Variants in SLC49A4 observed in about 807,000 individuals in gnomAD.
SLC49A4 encodes solute carrier family 49 member 4, also known as disrupted in renal cancer protein 2.
Under a neutral mutation model 50.6 loss-of-function variants are expected in SLC49A4, and 36 were observed. That is an observed-to-expected ratio of 0.71 (90% confidence interval 0.55 to 0.94). The LOEUF is 0.94. SLC49A4 is among the 40% of genes least tolerant of loss of function. The pLI is 0.00. For missense variants in SLC49A4, 503 were observed against 605.7 expected (o/e 0.83, Z 1.78); for synonymous variants, 248 against 241.2 (o/e 1.03, Z -0.26).
intron 6 of SLC49A4, among the ~76,000 whole-genome samples, chr3:122,859,616 G>A (rs1412906488): frequency 6.6e-6 from 1 of 152,184 alleles, no homozygotes; most frequent in African/African-American, 2.4e-5. Context: ...AGAGGCTGAG[G>A]TGGGAGGATC....
At chr3:122,837,461 C>A (rs202237571) in intron 4 of SLC49A4, among the ~76,000 whole-genome samples, 4 of 151,958 alleles carry the variant, frequency 2.6e-5, no homozygotes, top group South Asian at 2.1e-4. Context: ...GCAATGGGGA[C>A]AGGATTCCCT....
At chr3:122,841,553 T>A (rs112573311) in intron 4 of SLC49A4, among the ~76,000 whole-genome samples, 103 of 152,356 alleles carry the variant, frequency 6.8e-4, no homozygotes, top group African/African-American at 2.2e-3. Context: ...GAGTTACGTT[T>A]AATGGAAAAG....
At chr3:122,817,332 G>A (rs1936384184) in intron 2 of SLC49A4, among the ~76,000 whole-genome samples, 1 of 152,178 alleles carries the variant, frequency 6.6e-6, no homozygotes, top group Non-Finnish European at 1.5e-5. Context: ...GCCACTACAA[G>A]CTGGAAAATC....
intron 4 of SLC49A4, among the ~76,000 whole-genome samples, chr3:122,838,672 A>G (rs2107570683): frequency 6.6e-6 from 1 of 152,106 alleles, no homozygotes; most frequent in South Asian, 2.1e-4. Context: ...AAACCTGCAG[A>G]TTGTGCACAT....
At chr3:122,824,559 C>G (rs990364409) in intron 2 of SLC49A4, among the ~76,000 whole-genome samples, 1 of 151,878 alleles carries the variant, frequency 6.6e-6, no homozygotes, top group Non-Finnish European at 1.5e-5. Context: ...TGCTTCTCTT[C>G]TCTTCTCTTC....
chr3:122,831,377 CTGA>C (rs1936606631), intron 3 of SLC49A4, among the ~76,000 whole-genome samples: 1 of 151,960 alleles, frequency 6.6e-6, no homozygotes. Context: ...TGTCTATCTA[CTGA>C]TAAGTGGATG....
chr3:122,875,039 A>G (rs1937247792), intron 8 of SLC49A4, among the ~76,000 whole-genome samples: 1 of 152,230 alleles, frequency 6.6e-6, no homozygotes, highest in African/African-American at 2.4e-5. Context: ...CATGAAATCT[A>G]TGTTGAAACT....
chr3:122,833,236 G>A, intron 3 of SLC49A4, 81 bp from the exon 4 acceptor site: 1 of 1,430,428 alleles, frequency 7.0e-7, no homozygotes, highest in Non-Finnish European at 9.6e-7. Flanking sequence ...GTGAGACCCT[G>A]TTTCAAAAAA....
intron 6 of SLC49A4, 128 bp from the exon 7 acceptor site, chr3:122,859,947 A>G (rs1254478764): frequency 6.6e-6 from 6 of 903,542 alleles, no homozygotes; most frequent in Non-Finnish European, 9.3e-6. Context: ...GTTTTAAAAA[A>G]ACACTGAAAA....
At chr3:122,801,038 ATGGG>A (rs1936121049) in intron 1 of SLC49A4, among the ~76,000 whole-genome samples, 1 of 152,188 alleles carries the variant, frequency 6.6e-6, no homozygotes, top group Non-Finnish European at 1.5e-5. Flanking sequence ...AAGTACAGGC[ATGGG>A]CAGAGTTGGC....
intron 2 of SLC49A4, among the ~76,000 whole-genome samples, chr3:122,810,612 A>G (rs1356573439): frequency 2.6e-5 from 4 of 152,232 alleles, no homozygotes; most frequent in Non-Finnish European, 5.9e-5. Flanking sequence ...TCCAGGATGC[A>G]TGTGCAGGAT....
chr3:122,841,435 A>G (rs376221658), intron 4 of SLC49A4, among the ~76,000 whole-genome samples: 13 of 152,222 alleles, frequency 8.5e-5, no homozygotes, highest in Non-Finnish European at 1.6e-4. Context: ...ATTGACGCCA[A>G]TATCAGTGAT....
At chr3:122,872,236 C>G (rs935226143) in intron 7 of SLC49A4, among the ~76,000 whole-genome samples, 179 bp from the exon 8 acceptor site, 1 of 152,206 alleles carries the variant, frequency 6.6e-6, no homozygotes, top group Non-Finnish European at 1.5e-5. Flanking sequence ...TTTGTATCTA[C>G]TCCAGAAAAC....
chr3:122,811,756 A>G (rs1043590111), intron 2 of SLC49A4, among the ~76,000 whole-genome samples: 2 of 152,358 alleles, frequency 1.3e-5, no homozygotes, highest in Admixed American at 6.5e-5. Flanking sequence ...AAGTGCTAAT[A>G]TGAAAATATC....
At chr3:122,830,314 G>A (rs904827280) in intron 3 of SLC49A4, among the ~76,000 whole-genome samples, 6 of 152,152 alleles carry the variant, frequency 3.9e-5, no homozygotes, top group Admixed American at 1.3e-4. Flanking sequence ...TCGACAAGGC[G>A]ATCCTGAAAT....
intron 2 of SLC49A4, among the ~76,000 whole-genome samples, chr3:122,819,183 G>T (rs1199139625): frequency 6.7e-6 from 1 of 148,516 alleles, no homozygotes; most frequent in African/African-American, 2.5e-5. Flanking sequence ...GGTCGAGGCT[G>T]CAGTGAGCTG....
In SLC49A4 at chr3:122,879,232, G is replaced by C; in HGVS notation, c.1322-31G>C. On this transcript the variant is annotated intron_variant, in intron 8 of 8. Coordinates refer to ENST00000261038, the MANE Select transcript of SLC49A4 (RefSeq NM_032839.3). The stretch of plus-strand genomic sequence containing the variant: ...GGTGGTCTGCTGGTGATACATGAAT[G>C]TTTAAAACTGCATGTTTTTTTGTCT... The C allele has an allele frequency of 2.0e-6, 3 of 1,519,654 alleles. No homozygotes were observed. The South Asian group carries it at 3.4e-5, about 17-fold the overall frequency. The allele number at this position is 1,519,654 out of a possible 1,614,324, so 94.1% of individuals were successfully genotyped here. A position where few individuals can be genotyped will look rare whatever the true frequency, so the allele number is the denominator to read the frequency against.
At chr3:122,795,756 C>T (rs185994215) in intron 1 of SLC49A4, among the ~76,000 whole-genome samples, 1 of 152,278 alleles carries the variant, frequency 6.6e-6, no homozygotes, top group African/African-American at 2.4e-5. Context: ...TTATCAAGGC[C>T]CTTTATGCAA....
At chr3:122,823,138 T>C (rs1258615928) in intron 2 of SLC49A4, among the ~76,000 whole-genome samples, 1 of 152,158 alleles carries the variant, frequency 6.6e-6, no homozygotes, top group African/African-American at 2.4e-5. Context: ...TACCCTCTAG[T>C]CTTATGCACT....
Sources: allele counts gnomAD v4.1 joint callset (sites outside exome capture counted in the v4.1 genomes callset), GRCh38; gene constraint gnomAD v4.1.1; transcripts MANE v1.5; gene names NCBI Gene and HGNC (gene_info 2026-07-23, HGNC 2026-07-21).